GALNTL6: variants seen among roughly 807,000 people sequenced by gnomAD.
GALNTL6 encodes the protein polypeptide N-acetylgalactosaminyltransferase-like 6.
GALNTL6 carries 46 observed loss-of-function variants against 73.7 expected under a neutral mutation model. The observed-to-expected ratio is 0.62, with a 90% CI of 0.49 to 0.80. GALNTL6 has a LOEUF of 0.80. Among genes scored for constraint, GALNTL6 ranks in the 30% least tolerant of loss-of-function variants. The pLI, the probability that GALNTL6 is intolerant of heterozygous loss-of-function variation, is 0.00. For missense variants in GALNTL6, 604 were observed against 755.0 expected, an observed-to-expected ratio of 0.80 and a Z score of 2.34; for synonymous variants, 259 against 263.7, an observed-to-expected ratio of 0.98 and a Z score of 0.17.
intron 2 of GALNTL6, among the ~76,000 whole-genome samples, chr4:171,853,984 C>G (rs1224939780): frequency 6.6e-6 from 1 of 152,078 alleles, no homozygotes; most frequent in African/African-American, 2.4e-5. Flanking sequence ...ACATGCAGCA[C>G]TGGAAATAAA....
At chr4:172,107,958 A>G (rs1199496645) in intron 2 of GALNTL6, among the ~76,000 whole-genome samples, 1 of 152,228 alleles carries the variant, frequency 6.6e-6, no homozygotes, top group African/African-American at 2.4e-5. Context: ...GGATACTGTC[A>G]CATGGAAGAA....
chr4:173,006,371 G>A (rs979124723), intron 10 of GALNTL6, among the ~76,000 whole-genome samples: 1 of 152,106 alleles, frequency 6.6e-6, no homozygotes, highest in Admixed American at 6.5e-5. Context: ...TAGCTTTCAG[G>A]TTATAGACAG....
At chr4:172,534,835 G>A (rs1735288727) in intron 5 of GALNTL6, among the ~76,000 whole-genome samples, 1 of 152,054 alleles carries the variant, frequency 6.6e-6, no homozygotes, top group South Asian at 2.1e-4. Flanking sequence ...CAAAGTACTG[G>A]GATTACAGGC....
chr4:172,382,384 G>A (rs1743315583), intron 5 of GALNTL6, among the ~76,000 whole-genome samples: 1 of 151,570 alleles, frequency 6.6e-6, no homozygotes, highest in African/African-American at 2.4e-5. Flanking sequence ...ATCGTTTTAT[G>A]TACTTGTCAG....
chr4:172,092,868 T>G (rs1355353764), intron 2 of GALNTL6, among the ~76,000 whole-genome samples: 1 of 150,294 alleles, frequency 6.7e-6, no homozygotes, highest in Non-Finnish European at 1.5e-5. Flanking sequence ...CTAATTTTTT[T>G]TCTTTTCTTT....
intron 5 of GALNTL6, among the ~76,000 whole-genome samples, chr4:172,348,910 C>G (rs1344398519): frequency 6.6e-6 from 1 of 152,158 alleles, no homozygotes; most frequent in Non-Finnish European, 1.5e-5. Flanking sequence ...ATTTGCATTA[C>G]AATCTCTGTT....
chr4:172,682,716 C>A (rs1271893570), intron 5 of GALNTL6, among the ~76,000 whole-genome samples: 1 of 151,988 alleles, frequency 6.6e-6, no homozygotes, highest in Non-Finnish European at 1.5e-5. Flanking sequence ...TACTTTCTCC[C>A]CACTCAAAAA....
chr4:172,440,178 A>G (rs549275584), intron 5 of GALNTL6, among the ~76,000 whole-genome samples: 2 of 152,228 alleles, frequency 1.3e-5, no homozygotes, highest in East Asian at 1.9e-4. Flanking sequence ...CACTCACACA[A>G]GAATTTGCAG....
At chr4:172,472,415 G>A (rs1020342265) in intron 5 of GALNTL6, among the ~76,000 whole-genome samples, 6 of 152,190 alleles carry the variant, frequency 3.9e-5, no homozygotes, top group African/African-American at 1.4e-4. Context: ...GAAACAGGTA[G>A]TGTATCAAAT....
chr4:172,037,530 C>T (rs887479044), intron 2 of GALNTL6, among the ~76,000 whole-genome samples: 1 of 152,162 alleles, frequency 6.6e-6, no homozygotes, highest in Non-Finnish European at 1.5e-5. Flanking sequence ...CCTCTACATT[C>T]CTCTCTTTTC....
chr4:172,904,604 A>G (rs1746789605), intron 8 of GALNTL6, among the ~76,000 whole-genome samples: 1 of 152,148 alleles, frequency 6.6e-6, no homozygotes, highest in Non-Finnish European at 1.5e-5. Flanking sequence ...AGTCAGTCTT[A>G]GAGAGTTGGT....
intron 2 of GALNTL6, among the ~76,000 whole-genome samples, chr4:172,090,011 T>C (rs1408644828): frequency 6.6e-6 from 1 of 152,218 alleles, no homozygotes; most frequent in Non-Finnish European, 1.5e-5. Context: ...TTCATCCATG[T>C]CCCTGCAAAG....
intron 5 of GALNTL6, among the ~76,000 whole-genome samples, chr4:172,358,662 GA>G (rs1339994288): frequency 1.3e-5 from 2 of 152,112 alleles, no homozygotes; most frequent in Non-Finnish European, 1.5e-5. Flanking sequence ...CATACTCAAA[GA>G]AAATGCAAAA....
intron 4 of GALNTL6, among the ~76,000 whole-genome samples, chr4:172,324,781 T>C (rs886233528): frequency 1.4e-4 from 21 of 150,922 alleles, no homozygotes; most frequent in Non-Finnish European, 2.4e-4. Context: ...AATATACTTA[T>C]AAATATGCAA....
chr4:172,198,451 G>T (rs141391040), intron 2 of GALNTL6, among the ~76,000 whole-genome samples: 121 of 151,466 alleles, frequency 8.0e-4, no homozygotes, highest in Admixed American at 5.3e-3. Flanking sequence ...TGGGCAAAAG[G>T]TATGAACAGA....
At chr4:172,485,104 G>A (rs1196788807) in intron 5 of GALNTL6, among the ~76,000 whole-genome samples, 2 of 151,744 alleles carry the variant, frequency 1.3e-5, no homozygotes, top group Middle Eastern at 3.2e-3. Context: ...AACATTGTGG[G>A]GCACATATGC....
chr4:172,958,406 G>T (rs568928350), intron 10 of GALNTL6, among the ~76,000 whole-genome samples: 1 of 152,176 alleles, frequency 6.6e-6, no homozygotes, highest in African/African-American at 2.4e-5. Flanking sequence ...GAGCTAGGGT[G>T]GGGGTAGTCT....
chr4:172,714,506 AGTG>A (rs1414303533), intron 5 of GALNTL6, among the ~76,000 whole-genome samples: 11 of 152,234 alleles, frequency 7.2e-5, no homozygotes, highest in Non-Finnish European at 1.3e-4. Flanking sequence ...AAACATTAAT[AGTG>A]GTTGAACATG....
intron 5 of GALNTL6, among the ~76,000 whole-genome samples, chr4:172,450,489 C>A (rs547418561): frequency 1.3e-5 from 2 of 152,332 alleles, no homozygotes; most frequent in South Asian, 4.1e-4. Context: ...TTCCTTTCCT[C>A]TATTTTTGTC....
Sources: gnomAD v4.1 joint callset for allele counts (sites outside exome capture counted in the v4.1 genomes callset) on GRCh38, gnomAD v4.1.1 for gene constraint, MANE v1.5 for transcripts, NCBI Gene and HGNC (gene_info 2026-07-23, HGNC 2026-07-21) for gene names.